The following MAGI3 variants were observed in gnomAD, a reference collection of about 807,000 sequenced individuals.
The protein encoded by MAGI3 is membrane associated guanylate kinase, WW and PDZ domain containing 3.
In MAGI3, 43 loss-of-function variants were observed where a neutral mutation model predicts 121.8. The ratio of observed to expected loss-of-function variants is 0.35; its 90% CI spans 0.28 to 0.46. The LOEUF is 0.46. Among genes scored for constraint, MAGI3 ranks in the 20% least tolerant of loss-of-function variants. MAGI3 has a pLI of 1.00. For synonymous variants in MAGI3, 553 were observed against 639.3 expected (o/e 0.86, Z 2.04); for missense variants, 1,547 against 1,797.3 (o/e 0.86, Z 2.52).
At chr1:113,407,374 C>G (rs1362028232) in intron 1 of MAGI3, among the ~76,000 whole-genome samples, 2 of 151,062 alleles carry the variant, frequency 1.3e-5, no homozygotes, top group Non-Finnish European at 2.9e-5. Flanking sequence ...AGGGAGAGGA[C>G]TTCAAGAGAA....
At chr1:113,605,976 C>A (rs1034101704) in intron 6 of MAGI3, among the ~76,000 whole-genome samples, 2 of 150,854 alleles carry the variant, frequency 1.3e-5, no homozygotes, top group Admixed American at 1.3e-4. Context: ...AATTATTATT[C>A]TTTTTTTGAG....
At chr1:113,619,405 A>G (rs1054881448) in intron 7 of MAGI3, among the ~76,000 whole-genome samples, 2 of 152,158 alleles carry the variant, frequency 1.3e-5, no homozygotes, top group African/African-American at 4.8e-5. Context: ...TGCCTTTTTT[A>G]AAAAAATTAA....
chr1:113,560,081 C>T (rs543653964), intron 2 of MAGI3, among the ~76,000 whole-genome samples: 8 of 152,170 alleles, frequency 5.3e-5, no homozygotes, highest in Admixed American at 1.3e-4. Context: ...ACATTCTTCT[C>T]ATCACTGCAT....
chr1:113,597,105 T>C (rs1649064163), intron 6 of MAGI3, among the ~76,000 whole-genome samples: 1 of 152,108 alleles, frequency 6.6e-6, no homozygotes, highest in Non-Finnish European at 1.5e-5. Context: ...ATAAATCAAA[T>C]GTGCTATAAC....
At chr1:113,621,456 G>A (rs1650815138) in intron 8 of MAGI3, among the ~76,000 whole-genome samples, 1 of 151,882 alleles carries the variant, frequency 6.6e-6, no homozygotes, top group South Asian at 2.1e-4. Flanking sequence ...AGAGGGTATG[G>A]GAGGTCAGAC....
chr1:113,601,910 A>T lies in MAGI3; in HGVS notation c.1018+7350A>T, dbSNP rs547124042. Among the ~76,000 whole-genome samples the T allele has an allele frequency of 3.3e-5, 5 of 150,194 alleles. No homozygotes were observed. The South Asian group carries it at 6.5e-4, about 19-fold the overall frequency. On this transcript the variant is annotated intron_variant, in intron 6 of 20. Coordinates refer to ENST00000307546, the MANE Select transcript of MAGI3 (RefSeq NM_001142782.2). ...TGCAGCCATAAAAAATGATGAGTTC[A>T]TGTCCTTTGTAGGGACATGGATGAA...
chr1:113,426,080 A>C (rs1008304629), intron 1 of MAGI3, among the ~76,000 whole-genome samples: 11 of 152,186 alleles, frequency 7.2e-5, no homozygotes, highest in African/African-American at 2.4e-4. Context: ...TACATTCCAC[A>C]TATTTTGATT....
At chr1:113,556,552 A>ATTTT (rs569112647) in intron 2 of MAGI3, among the ~76,000 whole-genome samples, 12 of 117,588 alleles carry the variant, frequency 1.0e-4, no homozygotes, top group African/African-American at 1.2e-4. Flanking sequence ...TATGATAAAG[A>ATTTT]TTTTTTTTTT....
intron 2 of MAGI3, among the ~76,000 whole-genome samples, chr1:113,563,046 G>A (rs780135998): frequency 6.6e-6 from 1 of 152,212 alleles, no homozygotes; most frequent in Admixed American, 6.5e-5. Flanking sequence ...AATTTTTCTT[G>A]AATGTAGACT....
At chr1:113,453,688 A>G (rs752092266) in intron 1 of MAGI3, among the ~76,000 whole-genome samples, 9 of 151,876 alleles carry the variant, frequency 5.9e-5, no homozygotes, top group African/African-American at 9.7e-5. Flanking sequence ...GAGATAGCCC[A>G]TTTGGGGAGT....
At chr1:113,497,164 C>T (rs533854647) in intron 1 of MAGI3, among the ~76,000 whole-genome samples, 5 of 152,078 alleles carry the variant, frequency 3.3e-5, no homozygotes, top group African/African-American at 1.2e-4. Flanking sequence ...GGCTGAGGTG[C>T]GTGGATCACT....
At chr1:113,605,059 A>G (rs76308249) in intron 6 of MAGI3, among the ~76,000 whole-genome samples, 15,599 of 151,562 alleles carry the variant, frequency 0.1, 1,032 homozygotes, top group East Asian at 0.19. Context: ...GAGATTTTAG[A>G]GCAACTAGCA....
chr1:113,414,658 C>T (rs183958115), intron 1 of MAGI3, among the ~76,000 whole-genome samples: 409 of 151,924 alleles, frequency 2.7e-3, no homozygotes, highest in South Asian at 8.1e-3. Context: ...AGTTTATTTG[C>T]GTACAGGTGT....
chr1:113,472,571 T>C (rs1195091547), intron 1 of MAGI3, among the ~76,000 whole-genome samples: 2 of 152,178 alleles, frequency 1.3e-5, no homozygotes, highest in Non-Finnish European at 2.9e-5. Context: ...TCCTCCTCTC[T>C]TTCTACCTTC....
intron 19 of MAGI3, among the ~76,000 whole-genome samples, chr1:113,678,580 G>C (rs569200498): frequency 4.6e-5 from 7 of 152,282 alleles, no homozygotes; most frequent in African/African-American, 1.7e-4. Context: ...TAGTTGACTT[G>C]AATTTTTTTG....
intron 1 of MAGI3, among the ~76,000 whole-genome samples, chr1:113,423,890 G>A (rs576323123): frequency 5.8e-4 from 88 of 152,190 alleles, no homozygotes; most frequent in Non-Finnish European, 1.0e-3. Context: ...CTGAGGTGGC[G>A]GGTGGGGTGG....
chr1:113,682,560 G>A (rs1045930649), intron 20 of MAGI3: 65 of 1,216,354 alleles, frequency 5.3e-5, no homozygotes, highest in Admixed American at 8.1e-5. Context: ...TGAGCTTCTT[G>A]GGCCACGTAA....
intron 15 of MAGI3, among the ~76,000 whole-genome samples, chr1:113,656,812 C>G (rs948690612): frequency 6.6e-6 from 1 of 152,128 alleles, no homozygotes; most frequent in Non-Finnish European, 1.5e-5. Flanking sequence ...TTATGGAATT[C>G]TGAGTTTCTC....
At position 113,643,725 on chromosome 1, in the gene MAGI3, G is replaced by C; in HGVS notation, c.1967-18G>C. Reference sequence around the variant, plus strand: ...ATGCATCCTCTGGTTTTAAACTTTGGTTCATTTTTTTTTTAAGGTCCTCCT... The same window carrying C: ...ATGCATCCTCTGGTTTTAAACTTTGCTTCATTTTTTTTTTAAGGTCCTCCT... On this transcript the variant is annotated intron_variant, in intron 10 of 20. Coordinates refer to ENST00000307546, the MANE Select transcript of MAGI3 (RefSeq NM_001142782.2). 6.2e-7 allele frequency: 1 copy of C among 1,612,722 alleles called. No individual in the cohort carries two copies. Among genetic ancestry groups the C allele is most frequent in the Non-Finnish European group, 8.5e-7 (1 of 1,178,880 alleles).
Sources: gnomAD v4.1 joint callset for allele counts (sites outside exome capture counted in the v4.1 genomes callset) on GRCh38, gnomAD v4.1.1 for gene constraint, MANE v1.5 for transcripts, NCBI Gene and HGNC (gene_info 2026-07-23, HGNC 2026-07-21) for gene names.